The following ITPR3 variants were observed in gnomAD, a reference collection of about 807,000 sequenced individuals.
ITPR3 encodes the protein inositol 1,4,5-trisphosphate receptor type 3.
A neutral mutation model predicts 293.2 loss-of-function variants in ITPR3; 173 were observed. The ratio of observed to expected loss-of-function variants is 0.59; its 90% CI spans 0.52 to 0.67. ITPR3 has a LOEUF of 0.67. ITPR3 is among the 30% of genes least tolerant of loss of function. ITPR3 has a pLI of 0.00. For synonymous variants in ITPR3, 1,295 were observed against 1,444.4 expected (o/e 0.90, Z 2.35); for missense variants, 2,796 against 3,592.1 (o/e 0.78, Z 5.66).
At position 33,666,093 on chromosome 6, in the gene ITPR3, G is replaced by A. The variant is rs1479285173; in HGVS notation, c.1551+117G>A. ...ATCAGTATATATGGGGCACGACCACGTGCCAGGGACTTCCCTAAGTACCCC... is the reference window on the plus strand; with the variant it reads ...ATCAGTATATATGGGGCACGACCACATGCCAGGGACTTCCCTAAGTACCCC... On this transcript the variant is annotated intron_variant, in intron 14 of 57. Coordinates refer to ENST00000605930, the MANE Select transcript of ITPR3 (RefSeq NM_002224.4). The surrounding 1 kb of genome is among the most constrained non-coding windows in gnomAD (Gnocchi z 5.1). The A allele has an allele frequency of 8.1e-6, 10 of 1,232,690 alleles. No homozygotes were observed. The highest frequency in any genetic ancestry group is 2.6e-5 in the East Asian group (1 of 38,226). 76.4% of individuals were successfully genotyped at this position (1,232,690 alleles called of 1,614,324 possible). A position where few individuals can be genotyped will look rare whatever the true frequency, so the allele number is the denominator to read the frequency against.
chr6:33,694,528 G>T, intron 56 of ITPR3: 1 of 250,158 alleles, frequency 4.0e-6, no homozygotes, highest in Non-Finnish European at 7.8e-6. Flanking sequence ...GCGTCTTCCC[G>T]GGGCGTGGGG....
Position 33,638,781 on chromosome 6 carries a change from T to A in ITPR3, c.90-1703T>A, listed in dbSNP as rs1211192084. Among the ~76,000 whole-genome samples, 1 of 152,082 alleles carries A rather than the reference T, an allele frequency of 6.6e-6. No individual in the cohort carries two copies. Among genetic ancestry groups the A allele is most frequent in the Non-Finnish European group, 1.5e-5 (1 of 68,016 alleles). ...GAACTCACAGTGTAGACACAGCAAG[T>A]CAAGAAGTGGGGAGAGACACTGCCA... On this transcript the variant is annotated intron_variant, in intron 1 of 57. Transcript: ENST00000605930. This position sits in a 1 kb window ranked among gnomAD's most constrained non-coding sequence, Gnocchi z 4.3.
intron 49 of ITPR3, 124 bp downstream of exon 49, chr6:33,688,905 C>T (rs1038095900): frequency 3.1e-6 from 4 of 1,301,288 alleles, no homozygotes; most frequent in African/African-American, 2.9e-5. Context: ...CAGAAGCACC[C>T]CCTGCGCCAT....
Position 33,668,556 on chromosome 6 carries a change from T to C in ITPR3, c.1928T>C (p.Ile643Thr). Residue 643 changes from isoleucine (I) to threonine (T), a missense_variant, in exon 17 of 58, where the codon ATC becomes ACC. Around this residue, in one of 8 missense-constraint regions of ITPR3, gnomAD observed 955 missense variants for 1,180.8 expected, o/e 0.81. Coordinates refer to ENST00000605930, the MANE Select transcript of ITPR3 (RefSeq NM_002224.4). The stretch of plus-strand genomic sequence containing the variant: ...TCTGACCTGTGTGTGTCCAACCACA[T>C]CGCCATCCCCGTCACCCAAGAGCTC... ...YLSDLCVSNH[I>T]AIPVTQELIC... 3.1e-6 allele frequency: 5 copies of C among 1,614,172 alleles called. No individual in the cohort carries two copies. Among genetic ancestry groups the C allele is most frequent in the Non-Finnish European group, 4.2e-6 (5 of 1,180,022 alleles).
At chr6:33,674,436 G>T (rs944812709) in intron 24 of ITPR3, among the ~76,000 whole-genome samples, 171 bp downstream of exon 24, 1 of 152,204 alleles carries the variant, frequency 6.6e-6, no homozygotes, top group Non-Finnish European at 1.5e-5. Context: ...CAGTCCCAGA[G>T]ATCTGGGGGG....
chr6:33,658,745 C>T lies in ITPR3; in HGVS notation c.445C>T (p.Arg149Trp). 1 of 1,614,194 alleles carries T rather than the reference C, an allele frequency of 6.2e-7. No individual in the cohort carries two copies. Among genetic ancestry groups the T allele is most frequent in the Non-Finnish European group, 8.5e-7 (1 of 1,180,026 alleles). Reference protein sequence around the residue: ...LPALLEKNAMRVTLDATGNEG... With the variant: ...LPALLEKNAMWVTLDATGNEG... ...GGCCTTGCTGGAGAAGAACGCCATG[C>T]GGGTGACTCTGGATGCCACAGGCAA... is the stretch of plus-strand genomic sequence containing the variant. The change falls in exon 5 of 58, where the codon CGG (arginine) becomes TGG (tryptophan). Residue 149 changes from arginine (R) to tryptophan (W), a missense_variant. Physicochemically the swap from Arg to Trp is moderately radical, Grantham distance 101. This residue lies in a region of ITPR3 where 144 missense variants were observed against 230.8 expected (regional missense o/e 0.62). Coordinates refer to ENST00000605930, the MANE Select transcript of ITPR3 (RefSeq NM_002224.4). This position sits in a 1 kb window ranked among gnomAD's most constrained non-coding sequence, Gnocchi z 6.1.
At position 33,671,800 on chromosome 6, in the gene ITPR3, C is replaced by G. The variant is rs529620367; in HGVS notation, c.2729-229C>G. Among the ~76,000 whole-genome samples the G allele has an allele frequency of 2.0e-5, 3 of 152,324 alleles. No homozygotes were observed. The South Asian group carries it at 6.2e-4, about 32-fold the overall frequency. Reference sequence around the variant, plus strand: ...CTACAGAAAATTCTCAGTCATCTCCCCACACAGCTCACCTTTGCCCTGACA... The same window carrying G: ...CTACAGAAAATTCTCAGTCATCTCCGCACACAGCTCACCTTTGCCCTGACA... On this transcript the variant is annotated intron_variant, in intron 21 of 57. Transcript: ENST00000605930.
At chr6:33,680,744 GA>G in intron 33 of ITPR3, 64 bp downstream of exon 33, 2 of 1,553,174 alleles carry the variant, frequency 1.3e-6, no homozygotes, top group Non-Finnish European at 1.8e-6. Context: ...GGGAAGGGGG[GA>G]AATAAGAATA....
At chr6:33,636,176 C>G (rs1187863240) in intron 1 of ITPR3, among the ~76,000 whole-genome samples, 1 of 150,308 alleles carries the variant, frequency 6.7e-6, no homozygotes, top group Non-Finnish European at 1.5e-5. Context: ...GTGGCAGGCA[C>G]CTGTAATCCC....
At chr6:33,660,808 A>G (rs1452948674) in intron 7 of ITPR3, among the ~76,000 whole-genome samples, 1 of 152,212 alleles carries the variant, frequency 6.6e-6, no homozygotes, top group Non-Finnish European at 1.5e-5. Flanking sequence ...GGGCACCTGT[A>G]GTCCCAGCTA....
chr6:33,635,440 C>T (rs1259122823), intron 1 of ITPR3, among the ~76,000 whole-genome samples: 2 of 152,134 alleles, frequency 1.3e-5, no homozygotes, highest in African/African-American at 2.4e-5. Context: ...TTTGTGTGTC[C>T]CCTCTCTGCA....
rs41271255 is a variant in ITPR3, at chr6:33,682,634, C to T, written c.4587C>T (p.Leu1529=). 4,363 of 1,595,272 alleles carry T rather than the reference C, an allele frequency of 2.7e-3. 44 individuals carry two copies. The highest frequency in any genetic ancestry group is 0.023 in the African/African-American group (1,694 of 73,430). The part of the protein sequence containing the change: ...KGSVEACIRT[L]AMVAKGRAIL... ...CCGTGGAGGCCTGCATCCGGACCCT[C>T]GCCATGGTGGGTGAGTGTGCCGGGG... The change falls in exon 34 of 58, where the codon CTC becomes CTT. Residue 1529 remains leucine (L), a synonymous_variant. Transcript: ENST00000605930. The surrounding 1 kb of genome is among the most constrained non-coding windows in gnomAD (Gnocchi z 5.4).
chr6:33,669,656 C>T (rs763688383), intron 18 of ITPR3, among the ~76,000 whole-genome samples: 7 of 152,258 alleles, frequency 4.6e-5, no homozygotes, highest in Non-Finnish European at 1.0e-4. Context: ...ATGCTTGCCA[C>T]GTAGTGGGCA....
chr6:33,630,763 T>C (rs1255419958), intron 1 of ITPR3, among the ~76,000 whole-genome samples: 5 of 152,234 alleles, frequency 3.3e-5, no homozygotes, highest in Admixed American at 6.5e-5. Context: ...TTGGGTTCTC[T>C]GCGTGTGCGG....
At chr6:33,668,900 G>T (rs1764683957) in intron 17 of ITPR3, 74 bp from the exon 18 acceptor site, 4 of 1,477,798 alleles carry the variant, frequency 2.7e-6, no homozygotes, top group Non-Finnish European at 3.7e-6. Flanking sequence ...TGTGTGGCCG[G>T]GTGTGCTCAG....
At position 33,689,305 on chromosome 6, in the gene ITPR3, G is replaced by A. The variant is rs754115340; in HGVS notation, c.6762G>A (p.Leu2254=). The part of the protein sequence containing the change: ...WILICFSIAA[L]FTKRYSIRPL... ...TCATCTGCTTCTCCATCGCGGCCCT[G>A]TTCACCAAGCGCTACAGCATCCGCC... Residue 2254 remains leucine, a synonymous_variant, in exon 50 of 58, where the codon CTG becomes CTA. Transcript: ENST00000605930. 2 of 1,612,676 alleles carry A rather than the reference G, an allele frequency of 1.2e-6. No homozygotes were observed. Among genetic ancestry groups the A allele is most frequent in the Non-Finnish European group, 1.7e-6 (2 of 1,180,018 alleles).
chr6:33,637,394 C>T (rs943623544), intron 1 of ITPR3, among the ~76,000 whole-genome samples: 3 of 152,178 alleles, frequency 2.0e-5, no homozygotes, highest in Non-Finnish European at 4.4e-5. Flanking sequence ...GCTTCCAGGC[C>T]CTCTCCAGGG....
chr6:33,694,989 G>C lies in ITPR3; in HGVS notation c.7851G>C (p.Gly2617=). The part of the protein sequence containing the change: ...AMSLVSNEGE[G]EQNEIRILQD... ...CCCTTGTCAGCAATGAGGGCGAGGG[G>C]GAGCAGAATGAGATTCGGATTCTCC... The change falls in exon 57 of 58, where the codon GGG becomes GGC. Residue 2617 remains glycine, a synonymous_variant. Coordinates refer to ENST00000605930, the MANE Select transcript of ITPR3 (RefSeq NM_002224.4). 1 of 1,614,160 alleles carries C rather than the reference G, an allele frequency of 6.2e-7. No individual in the cohort carries two copies.
chr6:33,656,704 A>G (rs1295336999), intron 3 of ITPR3, among the ~76,000 whole-genome samples: 1 of 152,060 alleles, frequency 6.6e-6, no homozygotes, highest in Non-Finnish European at 1.5e-5. Context: ...CGTTCCCCAA[A>G]CCACAAAGAG....
Sources: gnomAD v4.1 joint callset for allele counts (sites outside exome capture counted in the v4.1 genomes callset) on GRCh38, gnomAD v4.1.1 for gene constraint, gnomAD v4.1.1 regional missense constraint, Gnocchi (gnomAD v3.1) non-coding constraint, MANE v1.5 for transcripts, NCBI Gene and HGNC (gene_info 2026-07-23, HGNC 2026-07-21) for gene names.